The following PHACTR1 variants were observed in gnomAD, a reference collection of about 807,000 sequenced individuals.
PHACTR1 encodes the protein phosphatase and actin regulator 1.
PHACTR1 carries 16 observed loss-of-function variants against 69.2 expected under a neutral mutation model. That is an observed-to-expected ratio of 0.23 (90% CI 0.16 to 0.35). PHACTR1 has a LOEUF of 0.35. Ranked by LOEUF, PHACTR1 falls within the 10% of genes least tolerant of loss-of-function variation. The probability of loss-of-function intolerance (pLI) is 1.00; values close to 1 mark genes in which losing one functional copy is unlikely to be tolerated. For missense variants in PHACTR1, 510 were observed against 734.7 expected (o/e 0.69, Z 3.54); for synonymous variants, 312 against 284.5 (o/e 1.10, Z -0.97).
chr6:12,792,416 A>G (rs1581769720), intron 4 of PHACTR1, among the ~76,000 whole-genome samples: 1 of 126,368 alleles, frequency 7.9e-6, no homozygotes, highest in East Asian at 2.8e-4. Context: ...GTGAGCGGAG[A>G]TTGCGCCATT....
chr6:13,234,922 G>A (rs562298078), intron 10 of PHACTR1, among the ~76,000 whole-genome samples: 11 of 152,240 alleles, frequency 7.2e-5, no homozygotes, highest in African/African-American at 2.2e-4. Flanking sequence ...CCATCCACTG[G>A]GGTGCCAGGC....
At chr6:12,981,706 G>A (rs1280695690) in intron 4 of PHACTR1, among the ~76,000 whole-genome samples, 5 of 152,182 alleles carry the variant, frequency 3.3e-5, no homozygotes, top group Non-Finnish European at 7.3e-5. Context: ...CAGTGAACTG[G>A]TTGAAACAGG....
intron 4 of PHACTR1, among the ~76,000 whole-genome samples, chr6:12,919,103 C>T (rs1787347668): frequency 6.6e-6 from 1 of 152,100 alleles, no homozygotes; most frequent in Admixed American, 6.6e-5. Flanking sequence ...CCTGGGATTA[C>T]AGGCATGAGC....
intron 5 of PHACTR1, among the ~76,000 whole-genome samples, chr6:13,136,882 A>G (rs1486177811): frequency 6.6e-6 from 1 of 152,240 alleles, no homozygotes; most frequent in Admixed American, 6.5e-5. Flanking sequence ...GTGGCACCTC[A>G]AAACGATTAC....
At chr6:13,069,131 G>A (rs916048165) in intron 5 of PHACTR1, among the ~76,000 whole-genome samples, 2 of 152,150 alleles carry the variant, frequency 1.3e-5, no homozygotes, top group Admixed American at 6.5e-5. Context: ...AGGGATTGCT[G>A]GACCCCAGAA....
At chr6:12,997,774 G>A (rs1354357257) in intron 4 of PHACTR1, among the ~76,000 whole-genome samples, 1 of 152,116 alleles carries the variant, frequency 6.6e-6, no homozygotes, top group Non-Finnish European at 1.5e-5. Flanking sequence ...CTAATAAGGT[G>A]AAACCCCGTC....
At chr6:12,944,788 T>TTTA (rs1491524747) in intron 4 of PHACTR1, among the ~76,000 whole-genome samples, 125 of 47,056 alleles carry the variant, frequency 2.7e-3, no homozygotes, top group Middle Eastern at 0.019. Flanking sequence ...TTTTTATTTA[T>TTTA]TTTTTTTTTT....
In PHACTR1 at chr6:13,153,216, A is replaced by G. The variant is rs1477075016; in HGVS notation, c.416-6988A>G. Among the ~76,000 whole-genome samples, 3 of 152,214 alleles carry G rather than the reference A, an allele frequency of 2.0e-5. 1 individual carries two copies. Among genetic ancestry groups the G allele is most frequent in the South Asian group, 4.1e-4 (2 of 4,834 alleles). On this transcript the variant is annotated intron_variant, in intron 5 of 14. Transcript: ENST00000332995. ...AATACAGAATAAAAGTGCATGGTGAATACACAGTGGTAAAGATGCAAGAAT... is the reference window on the plus strand; with the variant it reads ...AATACAGAATAAAAGTGCATGGTGAGTACACAGTGGTAAAGATGCAAGAAT...
chr6:12,915,467 A>G (rs6915761), intron 4 of PHACTR1, among the ~76,000 whole-genome samples: 21,896 of 147,274 alleles, frequency 0.15, 3,748 homozygotes, highest in African/African-American at 0.43. Context: ...AGATCACTCC[A>G]CTGCACTCCA....
chr6:13,068,461 AAC>A (rs1809004519), intron 5 of PHACTR1, among the ~76,000 whole-genome samples: 2 of 152,200 alleles, frequency 1.3e-5, no homozygotes, highest in African/African-American at 4.8e-5. Flanking sequence ...GCATTTGAAA[AAC>A]ACAACAGACA....
chr6:13,282,864 T>C (rs1584452802), intron 12 of PHACTR1, among the ~76,000 whole-genome samples: 1 of 151,626 alleles, frequency 6.6e-6, no homozygotes, highest in South Asian at 2.1e-4. Flanking sequence ...GACAAGCTTC[T>C]AGTAATGACT....
In PHACTR1 at chr6:13,206,370, T is replaced by C. The variant is rs1012756277; in HGVS notation, c.986+234T>C. 4.6e-5 allele frequency among the ~76,000 whole-genome samples: 7 copies of C among 152,242 alleles called. No individual in the cohort carries two copies. In the East Asian group the frequency reaches 1.3e-3, roughly 29 times the overall value. On this transcript the variant is annotated intron_variant, in intron 8 of 14. Coordinates refer to ENST00000332995, the MANE Select transcript of PHACTR1 (RefSeq NM_030948.6). The stretch of plus-strand genomic sequence containing the variant: ...TATCGGAAAGAAAAACTAACATTCA[T>C]GTATATATGTATATGCTTATATATA...
intron 4 of PHACTR1, among the ~76,000 whole-genome samples, chr6:12,855,259 G>A (rs557205597): frequency 5.9e-4 from 90 of 152,306 alleles, no homozygotes; most frequent in African/African-American, 2.1e-3. Context: ...CTAGCATGCT[G>A]GGAGGCCTAG....
intron 5 of PHACTR1, among the ~76,000 whole-genome samples, chr6:13,155,825 T>C (rs1037500074): frequency 2.6e-5 from 4 of 151,762 alleles, no homozygotes; most frequent in African/African-American, 4.8e-5. Flanking sequence ...GAGGCAGAGG[T>C]TGGAGTGAGC....
At chr6:13,184,552 C>T (rs1443571361) in intron 7 of PHACTR1, among the ~76,000 whole-genome samples, 1 of 152,156 alleles carries the variant, frequency 6.6e-6, no homozygotes, top group African/African-American at 2.4e-5. Flanking sequence ...AGAAAACATC[C>T]TCCTCCTCTT....
intron 5 of PHACTR1, among the ~76,000 whole-genome samples, chr6:13,104,474 CAACTT>C (rs1815763713): frequency 6.6e-6 from 1 of 152,082 alleles, no homozygotes. Flanking sequence ...TGACATATGA[CAACTT>C]AGCCTAATTC....
chr6:13,240,700 G>C (rs1348007592), intron 10 of PHACTR1, among the ~76,000 whole-genome samples: 1 of 152,134 alleles, frequency 6.6e-6, no homozygotes, highest in African/African-American at 2.4e-5. Context: ...GCCCACCTCA[G>C]CCTCCTAAAG....
intron 3 of PHACTR1, among the ~76,000 whole-genome samples, chr6:12,733,335 C>A (rs1763806369): frequency 6.6e-6 from 1 of 152,182 alleles, no homozygotes; most frequent in Non-Finnish European, 1.5e-5. Flanking sequence ...TAACATATAA[C>A]AGAAACTATG....
intron 4 of PHACTR1, among the ~76,000 whole-genome samples, chr6:12,943,124 C>T (rs941032854): frequency 6.6e-6 from 1 of 152,138 alleles, no homozygotes; most frequent in African/African-American, 2.4e-5. Flanking sequence ...CACAAATGTT[C>T]ATCAATGAAC....
Sources: gnomAD v4.1 joint callset for allele counts (sites outside exome capture counted in the v4.1 genomes callset) on GRCh38, gnomAD v4.1.1 for gene constraint, MANE v1.5 for transcripts, NCBI Gene and HGNC (gene_info 2026-07-23, HGNC 2026-07-21) for gene names.